MME: variants seen among roughly 807,000 people sequenced by gnomAD.
The protein encoded by MME is neprilysin.
In MME, 98 loss-of-function variants were observed where a neutral mutation model predicts 113.2. That is an observed-to-expected ratio of 0.87 (90% CI 0.74 to 1.02). The LOEUF (loss-of-function observed/expected upper bound fraction) is 1.02, where lower values mean the gene tolerates loss of function less well. Ranked by LOEUF, MME falls within the 50% of genes least tolerant of loss-of-function variation. MME has a pLI of 0.00. For missense variants in MME, 836 were observed against 896.0 expected, an observed-to-expected ratio of 0.93 and a Z score of 0.86; for synonymous variants, 292 against 300.6, an observed-to-expected ratio of 0.97 and a Z score of 0.30.
chr3:155,165,541 A>G (rs1373540303), intron 17 of MME, among the ~76,000 whole-genome samples: 1 of 152,170 alleles, frequency 6.6e-6, no homozygotes, highest in East Asian at 1.9e-4. Context: ...TAAGCCTTCC[A>G]AAGATTTTTA....
chr3:155,180,588 A>G lies in MME; in HGVS notation c.*129A>G. On this transcript the variant is annotated 3_prime_UTR_variant, in exon 23 of 23. Coordinates refer to ENST00000360490, the MANE Select transcript of MME (RefSeq NM_007289.4). Reference sequence around the variant, plus strand: ...CTTGAGGGTGATTAACAGAGAGGGCACCATCACAATACAGATAACATTAGG... The same window carrying G: ...CTTGAGGGTGATTAACAGAGAGGGCGCCATCACAATACAGATAACATTAGG... 1 of 750,918 alleles carries G rather than the reference A, an allele frequency of 1.3e-6. No homozygotes were observed. The highest frequency in any genetic ancestry group is 1.7e-5 in the African/African-American group (1 of 57,954). 46.5% of individuals were successfully genotyped at this position (750,918 alleles called of 1,614,324 possible). A position where few individuals can be genotyped will look rare whatever the true frequency, so the allele number is the denominator to read the frequency against.
At chr3:155,174,528 C>T (rs1471143853) in intron 22 of MME, among the ~76,000 whole-genome samples, 2 of 151,974 alleles carry the variant, frequency 1.3e-5, no homozygotes, top group African/African-American at 4.8e-5. Flanking sequence ...CAAAGTAAAA[C>T]ATATTTTTTA....
At chr3:155,161,221 G>A (rs1559958984) in intron 17 of MME, among the ~76,000 whole-genome samples, 1 of 151,836 alleles carries the variant, frequency 6.6e-6, no homozygotes, top group Non-Finnish European at 1.5e-5. Context: ...TTTTCAGGGG[G>A]TTTTTAGCAT....
At chr3:155,162,640 C>T (rs1471355980) in intron 17 of MME, among the ~76,000 whole-genome samples, 1 of 151,866 alleles carries the variant, frequency 6.6e-6, no homozygotes, top group Non-Finnish European at 1.5e-5. Context: ...TTTTCTTTCA[C>T]AATTTAAATC....
At chr3:155,115,208 T>A (rs1199204242) in intron 4 of MME, 53 bp downstream of exon 4, 13 of 1,584,426 alleles carry the variant, frequency 8.2e-6, no homozygotes, top group Non-Finnish European at 1.0e-5. Flanking sequence ...ATATGTTCAT[T>A]TTTTAAATAT....
At chr3:155,105,417 A>G (rs1380213702) in intron 3 of MME, among the ~76,000 whole-genome samples, 1 of 152,214 alleles carries the variant, frequency 6.6e-6, no homozygotes, top group Non-Finnish European at 1.5e-5. Flanking sequence ...ACTGTGGAAA[A>G]AGCATCAGCT....
intron 17 of MME, among the ~76,000 whole-genome samples, chr3:155,163,184 C>A (rs1030340033): frequency 7.2e-5 from 11 of 151,960 alleles, no homozygotes; most frequent in African/African-American, 2.7e-4. Context: ...TGAGCCCCTC[C>A]CTCCATACAC....
Position 155,140,260 on chromosome 3 carries a change from C to G in MME, c.925C>G (p.Gln309Glu). The change falls in exon 10 of 23, where the codon CAA becomes GAA. Residue 309 changes from glutamine (Q) to glutamate (E), a missense_variant. Coordinates refer to ENST00000360490, the MANE Select transcript of MME (RefSeq NM_007289.4). ...LYNKMTLAQI[Q>E]NNFSLEINGK... ...TAACAAGATGACATTGGCCCAGATC[C>G]AAAATAACTTTTCACTAGAGATCAA... The G allele has an allele frequency of 6.2e-7, 1 of 1,612,540 alleles. No individual in the cohort carries two copies. The highest frequency in any genetic ancestry group is 8.5e-7 in the Non-Finnish European group (1 of 1,179,012).
intron 3 of MME, among the ~76,000 whole-genome samples, chr3:155,091,242 C>T (rs1215297254): frequency 6.6e-6 from 1 of 152,132 alleles, no homozygotes. Context: ...GGGATATTAC[C>T]TTACATTTAT....
At chr3:155,062,040 C>G (rs149762739) in intron 1 of MME, among the ~76,000 whole-genome samples, 4 of 152,226 alleles carry the variant, frequency 2.6e-5, no homozygotes, top group African/African-American at 4.8e-5. Context: ...TTTATTTTCT[C>G]CTTTCCAAAC....
intron 1 of MME, among the ~76,000 whole-genome samples, chr3:155,062,137 G>A (rs1470712941): frequency 6.6e-6 from 1 of 152,164 alleles, no homozygotes; most frequent in Non-Finnish European, 1.5e-5. Flanking sequence ...GTGCTAAATA[G>A]TATACTTGCC....
intron 20 of MME, among the ~76,000 whole-genome samples, chr3:155,169,931 A>T (rs1276537224): frequency 6.6e-6 from 1 of 152,208 alleles, no homozygotes; most frequent in East Asian, 1.9e-4. Context: ...AGCTTGGGAG[A>T]TTAAGTCAGC....
At chr3:155,025,683 T>A (rs889623393) in intron 1 of MME, among the ~76,000 whole-genome samples, 1 of 147,922 alleles carries the variant, frequency 6.8e-6, no homozygotes, top group Non-Finnish European at 1.5e-5. Context: ...TTTTCTTTCT[T>A]TCTTTCTTTT....
intron 22 of MME, among the ~76,000 whole-genome samples, chr3:155,173,265 C>T (rs2108377205): frequency 6.6e-6 from 1 of 152,004 alleles, no homozygotes; most frequent in Middle Eastern, 3.4e-3. Flanking sequence ...TAATGCTACC[C>T]CTTTCCCATG....
Position 155,084,286 on chromosome 3 carries a change from T to C in MME, c.119T>C (p.Ile40Thr). ...TCGGTCCTTGTCCTGCTCCTCACCA[T>C]CATAGCTGTGACAATGATCGCACTC... ...SLSVLVLLLT[I>T]IAVTMIALYA... The change falls in exon 2 of 23, where the codon ATC (isoleucine) becomes ACC (threonine). Residue 40 changes from isoleucine (I) to threonine (T), a missense_variant. Physicochemically the swap from Ile to Thr is moderately conservative, Grantham distance 89. Transcript: ENST00000360490. 1 of 1,614,178 alleles carries C rather than the reference T, an allele frequency of 6.2e-7. No individual in the cohort carries two copies. Among genetic ancestry groups the C allele is most frequent in the Non-Finnish European group, 8.5e-7 (1 of 1,180,046 alleles).
chr3:155,140,309 T>C lies in MME; in HGVS notation c.957+17T>C. ...AATGGGAAGGTAAGTGGTAAGTTTT[T>C]TGTGCTCTCTTATTGTGCCGTTTTC... On this transcript the variant is annotated intron_variant, in intron 10 of 22. Coordinates refer to ENST00000360490, the MANE Select transcript of MME (RefSeq NM_007289.4). 6.7e-7 allele frequency: 1 copy of C among 1,495,378 alleles called. No homozygotes were observed. Among genetic ancestry groups the C allele is most frequent in the Non-Finnish European group, 9.3e-7 (1 of 1,072,316 alleles). 92.6% of individuals were successfully genotyped at this position (1,495,378 alleles called of 1,614,324 possible).
chr3:155,026,079 A>G (rs1712774865), intron 1 of MME, among the ~76,000 whole-genome samples: 1 of 152,046 alleles, frequency 6.6e-6, no homozygotes, highest in African/African-American at 2.4e-5. Context: ...GTAGCCATGG[A>G]CATTCTAACA....
At chr3:155,078,312 T>G (rs1003269927), upstream of MME, among the ~76,000 whole-genome samples, 1 of 152,114 alleles carries the variant, frequency 6.6e-6, no homozygotes, top group Non-Finnish European at 1.5e-5. Context: ...TATTTCGGGA[T>G]TGTTGTGAGG....
rs138110429 is a variant in MME, at chr3:155,052,723, G to A, written c.-11+28399G>A. Among the ~76,000 whole-genome samples, 818 of 152,302 alleles carry A rather than the reference G, an allele frequency of 5.4e-3. 2 individuals are homozygous for A. Among genetic ancestry groups the A allele is most frequent in the African/African-American group, 0.018 (761 of 41,572 alleles). On this transcript the variant is annotated intron_variant, in intron 1 of 22. Transcript: ENST00000492661. ...CTGTCATGAAGGCCTTTGGCATGTC[G>A]TGGAGACATTTTCCCCATTGTCTTG...
Sources: allele counts gnomAD v4.1 joint callset (sites outside exome capture counted in the v4.1 genomes callset), GRCh38; gene constraint gnomAD v4.1.1; transcripts MANE v1.5; gene names NCBI Gene and HGNC (gene_info 2026-07-23, HGNC 2026-07-21).